The following DPY19L2 variants were observed in gnomAD, a reference collection of about 807,000 sequenced individuals.
DPY19L2 encodes dpy-19 like 2.
A neutral mutation model predicts 97.9 loss-of-function variants in DPY19L2; 34 were observed. That is an observed-to-expected ratio of 0.35 (90% CI 0.26 to 0.46). DPY19L2 has a LOEUF of 0.46. DPY19L2 is among the 20% of genes least tolerant of loss of function. The pLI, the probability that DPY19L2 is intolerant of heterozygous loss-of-function variation, is 1.00. For synonymous variants in DPY19L2, 230 were observed against 307.9 expected (o/e 0.75, Z 2.65); for missense variants, 623 against 911.4 (o/e 0.68, Z 4.07).
intron 4 of DPY19L2, among the ~76,000 whole-genome samples, chr12:63,650,896 GTAAA>G (rs1894117750): frequency 7.1e-6 from 1 of 140,810 alleles, no homozygotes; most frequent in South Asian, 2.7e-4. Flanking sequence ...AAATAAATAA[GTAAA>G]TAAAATAAAA....
intron 1 of DPY19L2, among the ~76,000 whole-genome samples, chr12:63,667,584 A>G (rs1251329643): frequency 1.3e-5 from 2 of 151,864 alleles, no homozygotes; most frequent in East Asian, 3.9e-4. Flanking sequence ...AGACACCAAC[A>G]CTCCCAACTT....
At chr12:63,618,047 A>C in intron 10 of DPY19L2, 104 bp downstream of exon 10, 1 of 1,134,872 alleles carries the variant, frequency 8.8e-7, no homozygotes, top group Non-Finnish European at 1.3e-6. Flanking sequence ...CATATGTATT[A>C]AATATTACCA....
chr12:63,588,000 G>A lies in DPY19L2; in HGVS notation c.1581-4164C>T, dbSNP rs373547476. ...ACACACATCATGGGATACAGTGTGC[G>A]TTTTCTTCAAAGAAAAAGTTATAAC... is the stretch of plus-strand genomic sequence containing the variant. On this transcript the variant is annotated intron_variant, in intron 16 of 21. Coordinates refer to ENST00000324472, the MANE Select transcript of DPY19L2 (RefSeq NM_173812.5). 5.5e-4 allele frequency among the ~76,000 whole-genome samples: 84 copies of A among 152,180 alleles called. 2 individuals are homozygous for A. The East Asian group carries it at 0.014, about 25-fold the overall frequency.
intron 16 of DPY19L2, among the ~76,000 whole-genome samples, chr12:63,592,005 G>A: frequency 3.4e-4 from 2 of 5,818 alleles, no homozygotes; most frequent in African/African-American, 7.6e-4. Context: ...GGAGGGGAAG[G>A]GAGGGGAGGG....
At chr12:63,571,852 C>T (rs1878911693) in intron 19 of DPY19L2, among the ~76,000 whole-genome samples, 1 of 152,048 alleles carries the variant, frequency 6.6e-6, no homozygotes, top group Non-Finnish European at 1.5e-5. Context: ...GTATAAAAAA[C>T]AATTACAAAA....
At chr12:63,637,538 C>G (rs536058736) in intron 6 of DPY19L2, among the ~76,000 whole-genome samples, 1 of 151,886 alleles carries the variant, frequency 6.6e-6, no homozygotes, top group Non-Finnish European at 1.5e-5. Context: ...ATATCACCAC[C>G]GATTACTCAG....
At chr12:63,604,775 T>C (rs1335454963) in intron 12 of DPY19L2, among the ~76,000 whole-genome samples, 2 of 152,138 alleles carry the variant, frequency 1.3e-5, no homozygotes, top group South Asian at 2.1e-4. Flanking sequence ...CATTGAAGTG[T>C]TTTTATGATG....
intron 13 of DPY19L2, among the ~76,000 whole-genome samples, chr12:63,598,696 T>A (rs1003160913): frequency 1.3e-5 from 2 of 152,152 alleles, no homozygotes; most frequent in African/African-American, 2.4e-5. Context: ...CATTCAATTA[T>A]TTTTCCTAAT....
rs184341818 is a variant in DPY19L2 at position 63,590,917 on chromosome 12, T to C, written c.1580+3170A>G. On this transcript the variant is annotated intron_variant, in intron 16 of 21. Coordinates refer to ENST00000324472, the MANE Select transcript of DPY19L2 (RefSeq NM_173812.5). ...ACATAGACTTCCATATTCTGAGTAA[T>C]TATCTTCCATCCATTGACCCCTCCG... 9.9e-4 allele frequency: 359 copies of C among 362,370 alleles called. 2 individuals carry two copies. The highest frequency in any genetic ancestry group is 7.1e-3 in the African/African-American group (340 of 47,790). 22.4% of individuals were successfully genotyped at this position (362,370 alleles called of 1,614,324 possible).
At chr12:63,600,720 G>C (rs1376966721) in intron 12 of DPY19L2, among the ~76,000 whole-genome samples, 1 of 146,808 alleles carries the variant, frequency 6.8e-6, no homozygotes, top group Admixed American at 6.8e-5. Flanking sequence ...GGGGGGATTT[G>C]AACAAAGAAA....
At chr12:63,650,512 T>C (rs1183708932) in intron 4 of DPY19L2, among the ~76,000 whole-genome samples, 2 of 152,154 alleles carry the variant, frequency 1.3e-5, no homozygotes, top group African/African-American at 4.8e-5. Context: ...GTCAGTAGTA[T>C]GTCTATGCAC....
intron 4 of DPY19L2, among the ~76,000 whole-genome samples, chr12:63,655,196 T>C (rs1339459677): frequency 6.6e-6 from 1 of 152,124 alleles, no homozygotes; most frequent in Non-Finnish European, 1.5e-5. Context: ...CACATACAGA[T>C]GGCAAATAAG....
intron 21 of DPY19L2, among the ~76,000 whole-genome samples, chr12:63,561,646 A>AT (rs1425851524): frequency 1.3e-5 from 2 of 151,352 alleles, no homozygotes; most frequent in Non-Finnish European, 2.9e-5. Flanking sequence ...ATTTCATTGT[A>AT]TATAGAGAAC....
rs377510742 is a variant in DPY19L2 at position 63,625,135 on chromosome 12, G to A, written c.862-1004C>T. Among the ~76,000 whole-genome samples the A allele has an allele frequency of 1.1e-4, 16 of 152,086 alleles. No homozygotes were observed. In the East Asian group the frequency reaches 2.7e-3, roughly 26 times the overall value. ...ACCCTGGCTTGGCATGGTGGCTCACGCCTGTAATCCCCAGTATTTTGGGAG... is the reference window on the plus strand; with the variant it reads ...ACCCTGGCTTGGCATGGTGGCTCACACCTGTAATCCCCAGTATTTTGGGAG... On this transcript the variant is annotated intron_variant, in intron 7 of 21. Coordinates refer to ENST00000324472, the MANE Select transcript of DPY19L2 (RefSeq NM_173812.5).
intron 6 of DPY19L2, among the ~76,000 whole-genome samples, chr12:63,634,788 T>A (rs915367373): frequency 6.6e-6 from 1 of 152,014 alleles, no homozygotes; most frequent in African/African-American, 2.4e-5. Context: ...GCCAGGAAGC[T>A]CGAACAGGGT....
At chr12:63,593,424 A>C (rs1883519075) in intron 16 of DPY19L2, among the ~76,000 whole-genome samples, 1 of 152,258 alleles carries the variant, frequency 6.6e-6, no homozygotes, top group South Asian at 2.1e-4. Flanking sequence ...GATTAAGAAA[A>C]TGTGGCACAT....
intron 6 of DPY19L2, among the ~76,000 whole-genome samples, chr12:63,637,888 T>G (rs1840163038): frequency 6.6e-6 from 1 of 152,100 alleles, no homozygotes; most frequent in South Asian, 2.1e-4. Flanking sequence ...TACCAAGGCC[T>G]GGCAGAGACA....
chr12:63,636,435 T>G (rs553275001), intron 6 of DPY19L2, among the ~76,000 whole-genome samples: 5 of 152,160 alleles, frequency 3.3e-5, no homozygotes, highest in African/African-American at 1.2e-4. Flanking sequence ...CAATATTAAC[T>G]TTAAATGTAA....
chr12:63,643,916 G>A (rs1474832256), intron 6 of DPY19L2, among the ~76,000 whole-genome samples: 5 of 152,142 alleles, frequency 3.3e-5, no homozygotes, highest in Non-Finnish European at 5.9e-5. Flanking sequence ...ACACACGACC[G>A]TTGAAATTAA....
Sources: gnomAD v4.1 joint callset for allele counts (sites outside exome capture counted in the v4.1 genomes callset) on GRCh38, gnomAD v4.1.1 for gene constraint, MANE v1.5 for transcripts, NCBI Gene and HGNC (gene_info 2026-07-23, HGNC 2026-07-21) for gene names.